Variants in TBL2 observed in about 807,000 individuals in gnomAD.
TBL2 encodes transducin beta-like protein 2.
TBL2 carries 33 observed loss-of-function variants against 41.8 expected under a neutral mutation model. The ratio of observed to expected loss-of-function variants is 0.79; its 90% confidence interval spans 0.60 to 1.06. TBL2 has a LOEUF of 1.06. Ranked by LOEUF, TBL2 falls within the 50% of genes least tolerant of loss-of-function variation. The pLI is 0.00. For missense variants in TBL2, 522 were observed against 603.8 expected, an observed-to-expected ratio of 0.86 and a Z score of 1.42; for synonymous variants, 239 against 241.7, an observed-to-expected ratio of 0.99 and a Z score of 0.10.
intron 1 of TBL2, chr7:73,576,603 G>T (rs1554588982): frequency 2.2e-6 from 1 of 456,492 alleles, no homozygotes. Context: ...AGTGGAGCCA[G>T]TCACTTTTGT....
chr7:73,573,070 T>A, intron 4 of TBL2, 100 bp from the exon 5 acceptor site: 2 of 1,542,824 alleles, frequency 1.3e-6, no homozygotes, highest in South Asian at 1.2e-5. Context: ...AGTATACATG[T>A]CTCCTCCCAG....
chr7:73,570,880 C>G lies in TBL2; in HGVS notation c.971G>C (p.Gly324Ala). 6.2e-7 allele frequency: 1 copy of G among 1,613,910 alleles called. No homozygotes were observed. The highest frequency in any genetic ancestry group is 8.5e-7 in the Non-Finnish European group (1 of 1,180,024). The change falls in exon 7 of 7, where the codon GGC becomes GCC. Residue 324 changes from glycine (G) to alanine (A), a missense_variant. By Grantham distance (60) the Gly-to-Ala change is moderately conservative. Transcript: ENST00000305632. ...KKQDPYLLKT[G>A]RFEEAAGAAP... ...GGCACCCGCCGCCTCTTCAAAGCGG[C>G]CTGTCTTCAGCAAGTAGGGGTCCTG... is the stretch of plus-strand genomic sequence containing the variant.
intron 3 of TBL2, 149 bp downstream of exon 3, chr7:73,573,789 C>A: frequency 1.0e-6 from 1 of 979,226 alleles, no homozygotes; most frequent in Non-Finnish European, 1.5e-6. Flanking sequence ...GAGCCCCAGG[C>A]AGCGCGCAAA....
rs1563446898 is a variant in TBL2 at position 73,570,843 on chromosome 7, GCGGCACGGCGCGGCACC to G, written c.991_1007del (p.Gly331ProfsTer17). ...CCTGGGCGTTGGGGGAGAGGGCCAG[GCGGCACGGCGCGGCACC>G]CGCCGCCTCTTCAAAGCGGCCTGTC... On this transcript the variant is annotated frameshift_variant, in exon 7 of 7. Transcript: ENST00000305632. LOFTEE classifies it high-confidence loss of function. The G allele has an allele frequency of 6.2e-7, 1 of 1,613,820 alleles. No homozygotes were observed. The highest frequency in any genetic ancestry group is 8.5e-7 in the Non-Finnish European group (1 of 1,180,040).
In TBL2 at chr7:73,573,965, G is replaced by T; in HGVS notation, c.419C>A (p.Thr140Asn). The part of the protein sequence containing the change: ...MRANVELDHA[T>N]LVRFSPDCRA... ...GCAGTCAGGGCTGAAGCGCACCAGG[G>T]TGGCGTGGTCCAGCTCCACGTTGGC... Residue 140 changes from threonine to asparagine, a missense_variant, in exon 3 of 7, where the codon ACC (threonine) becomes AAC (asparagine). Coordinates refer to ENST00000305632, the MANE Select transcript of TBL2 (RefSeq NM_012453.4). 1 of 1,613,934 alleles carries T rather than the reference G, an allele frequency of 6.2e-7. No individual in the cohort carries two copies. The highest frequency in any genetic ancestry group is 8.5e-7 in the Non-Finnish European group (1 of 1,180,022).
Position 73,572,874 on chromosome 7 carries a change from T to C in TBL2, c.695A>G (p.Asn232Ser). 6.2e-7 allele frequency: 1 copy of C among 1,614,136 alleles called. No homozygotes were observed. Among genetic ancestry groups the C allele is most frequent in the Non-Finnish European group, 8.5e-7 (1 of 1,180,010 alleles). The change falls in exon 5 of 7, where the codon AAC (asparagine) becomes AGC (serine). Residue 232 changes from asparagine (N) to serine (S), a missense_variant. Asn to Ser is a conservative substitution (Grantham distance 46). Coordinates refer to ENST00000305632, the MANE Select transcript of TBL2 (RefSeq NM_012453.4). ...LSTINTNQMN[N>S]THAAVSPCGR... is the part of the protein sequence containing the mutation. ...ACAGGGAGATACAGCAGCGTGTGTG[T>C]TGTTCATCTGGTTGGTGTTGATGGT... is the stretch of plus-strand genomic sequence containing the variant.
At chr7:73,577,557 A>G (rs1554589232) in intron 1 of TBL2, among the ~76,000 whole-genome samples, 1 of 152,222 alleles carries the variant, frequency 6.6e-6, no homozygotes, top group Non-Finnish European at 1.5e-5. Context: ...CTGGGCAAGA[A>G]GAGCGAAACT....
chr7:73,570,580 G>A lies in TBL2; in HGVS notation c.1271C>T (p.Thr424Ile), dbSNP rs782208230. The change falls in exon 7 of 7, where the codon ACC becomes ATC. Residue 424 changes from threonine to isoleucine, a missense_variant. Physicochemically the swap from Thr to Ile is moderately conservative, Grantham distance 89. Transcript: ENST00000305632. ...GHLKRASNES[T>I]RQRLQQQLTQ... ...CAGCTGCTGCTGCAGCCTCTGGCGG[G>A]TGCTCTCGTTGGAGGCCCGCTTCAG... 3 of 1,610,174 alleles carry A rather than the reference G, an allele frequency of 1.9e-6. No individual in the cohort carries two copies. Among genetic ancestry groups the A allele is most frequent in the African/African-American group, 2.7e-5 (2 of 74,886 alleles).
In TBL2 at chr7:73,572,655, G is replaced by A. The variant is rs567688315; in HGVS notation, c.725+189C>T. On this transcript the variant is annotated intron_variant, in intron 5 of 6. Coordinates refer to ENST00000305632, the MANE Select transcript of TBL2 (RefSeq NM_012453.4). ...AAAACACTGAAGATGAAGAAATAGC[G>A]ACTAAGGACATGGGGCGACCTGCAT... Among the ~76,000 whole-genome samples the A allele has an allele frequency of 7.2e-5, 11 of 152,162 alleles. No individual in the cohort carries two copies. The South Asian group carries it at 1.9e-3, about 26-fold the overall frequency.
chr7:73,574,594 TG>T, intron 1 of TBL2, 81 bp from the exon 2 acceptor site: 2 of 1,595,642 alleles, frequency 1.3e-6, no homozygotes, highest in Non-Finnish European at 1.7e-6. Context: ...AGGCATTGAG[TG>T]GAACAGCAGG....
At chr7:73,576,768 C>G (rs1471401798) in intron 1 of TBL2, 3 of 454,818 alleles carry the variant, frequency 6.6e-6, no homozygotes, top group African/African-American at 6.0e-5. Flanking sequence ...AACAAGCCCC[C>G]CTCCTCACAC....
Position 73,572,921 on chromosome 7 carries a change from G to A in TBL2, c.648C>T (p.Ser216=). The change falls in exon 5 of 7, where the codon AGC becomes AGT. Residue 216 remains serine (S), a synonymous_variant. Coordinates refer to ENST00000305632, the MANE Select transcript of TBL2 (RefSeq NM_012453.4). ...ASSDTTVLIW[S]LKGQVLSTIN... ...TGGTAGACAGCACTTGACCCTTCAG[G>A]CTCCAGATGAGGACAGTGGTGTCAC... The A allele has an allele frequency of 6.2e-7, 1 of 1,614,146 alleles. No individual in the cohort carries two copies. The highest frequency in any genetic ancestry group is 8.5e-7 in the Non-Finnish European group (1 of 1,180,026).
At chr7:73,575,110 G>T (rs1178282297) in intron 1 of TBL2, among the ~76,000 whole-genome samples, 2 of 149,142 alleles carry the variant, frequency 1.3e-5, no homozygotes, top group South Asian at 2.1e-4. Context: ...CTGGACCTTG[G>T]TTTTTTTTTT....
At chr7:73,575,727 C>T (rs1323069636) in intron 1 of TBL2, among the ~76,000 whole-genome samples, 5 of 152,200 alleles carry the variant, frequency 3.3e-5, no homozygotes, top group African/African-American at 7.2e-5. Flanking sequence ...CCACTGTGTC[C>T]GGCCCAGCCT....
In TBL2 at chr7:73,573,413, G is replaced by A. The variant is rs368230823; in HGVS notation, c.505C>T (p.Arg169Trp). ...DTLRVFKMTK[R>W]EDGGYTFTAT... The stretch of plus-strand genomic sequence containing the variant: ...GTGAAGGTGTAGCCCCCATCCTCCC[G>A]CTTGGTCATCTTGAAGACACGGAGG... Residue 169 changes from arginine to tryptophan, a missense_variant, in exon 4 of 7, where the codon CGG becomes TGG. Coordinates refer to ENST00000305632, the MANE Select transcript of TBL2 (RefSeq NM_012453.4). 4.6e-5 allele frequency: 75 copies of A among 1,614,116 alleles called. No individual in the cohort carries two copies. Among genetic ancestry groups the A allele is most frequent in the African/African-American group, 4.4e-4 (33 of 75,042 alleles).
Position 73,577,159 on chromosome 7 carries a change from G to A in TBL2, c.130+1261C>T, listed in dbSNP as rs1405615862. Among the ~76,000 whole-genome samples the A allele has an allele frequency of 4.6e-5, 7 of 151,576 alleles. No homozygotes were observed. In the East Asian group the frequency reaches 7.7e-4, roughly 17 times the overall value. On this transcript the variant is annotated intron_variant, in intron 1 of 6. Coordinates refer to ENST00000305632, the MANE Select transcript of TBL2 (RefSeq NM_012453.4). ...GCCTGTAGTCCCAGCTACTCAGGAG[G>A]CTGAGGCAGGAGAATGGCGTGAACC...
chr7:73,576,032 A>AAAATAAAT (rs557508065), intron 1 of TBL2, among the ~76,000 whole-genome samples: 6 of 151,682 alleles, frequency 4.0e-5, no homozygotes, highest in African/African-American at 9.7e-5. Flanking sequence ...ATTCTGTCTC[A>AAAATAAAT]AAATAAATAA....
chr7:73,571,512 T>C, intron 5 of TBL2, 171 bp from the exon 6 acceptor site: 1 of 827,796 alleles, frequency 1.2e-6, no homozygotes, highest in South Asian at 1.8e-5. Flanking sequence ...ATCCCAGCAC[T>C]TTGGGAGGCC....
intron 5 of TBL2, among the ~76,000 whole-genome samples, chr7:73,572,235 G>C (rs1793006489): frequency 6.6e-6 from 1 of 151,936 alleles, no homozygotes; most frequent in Admixed American, 6.6e-5. Context: ...GATCACTTGA[G>C]GCCAGGAGTT....
Sources: allele counts gnomAD v4.1 joint callset (sites outside exome capture counted in the v4.1 genomes callset), GRCh38; gene constraint gnomAD v4.1.1; transcripts MANE v1.5; gene names NCBI Gene and HGNC (gene_info 2026-07-23, HGNC 2026-07-21).